OR3A2: variants seen among roughly 807,000 people sequenced by gnomAD.
The protein encoded by OR3A2 is olfactory receptor family 3 subfamily A member 2.
For synonymous variants in OR3A2, 126 were observed against 159.3 expected (o/e 0.79, Z 1.57); for missense variants, 318 against 392.8 (o/e 0.81, Z 1.61).
At chr17:3,348,423 G>A (rs901409142) in intron 2 of OR3A2, among the ~76,000 whole-genome samples, 1 of 152,006 alleles carries the variant, frequency 6.6e-6, no homozygotes, top group Non-Finnish European at 1.5e-5. Flanking sequence ...TGGAAGAAAG[G>A]GTATCAGTGA....
At chr17:3,367,911 T>A (rs1250865220) in intron 2 of OR3A2, among the ~76,000 whole-genome samples, 1 of 152,140 alleles carries the variant, frequency 6.6e-6, no homozygotes. Context: ...TATTATTTTT[T>A]GAGTTTTTAA....
rs80031188 is a variant in OR3A2 at position 3,302,719 on chromosome 17, G to T, written c.-84-23566C>A. Among the ~76,000 whole-genome samples the T allele has an allele frequency of 3.3e-3, 501 of 152,280 alleles. 3 individuals carry two copies. Among genetic ancestry groups the T allele is most frequent in the African/African-American group, 0.012 (484 of 41,558 alleles). On this transcript the variant is annotated intron_variant, in intron 3 of 4. Transcript: ENST00000573491. ...TACATGCCTCCACCTGCAGGATGTT[G>T]ACCGACTGGGAAAGGGCTAGTGGCC...
intron 2 of OR3A2, among the ~76,000 whole-genome samples, chr17:3,378,778 C>T (rs761870639): frequency 2.6e-5 from 4 of 152,172 alleles, no homozygotes; most frequent in Non-Finnish European, 4.4e-5. Flanking sequence ...CACTTCCCCC[C>T]GGAAGTTCTC....
intron 2 of OR3A2, among the ~76,000 whole-genome samples, chr17:3,337,427 C>G (rs1159243739): frequency 6.6e-6 from 1 of 152,082 alleles, no homozygotes; most frequent in Non-Finnish European, 1.5e-5. Flanking sequence ...CTCCCCCATC[C>G]CCCAACCCCA....
At chr17:3,385,987 G>A (rs1350964237) in intron 1 of OR3A2, 138 bp downstream of exon 1, 3 of 354,398 alleles carry the variant, frequency 8.5e-6, no homozygotes, top group South Asian at 1.7e-4. Flanking sequence ...CCTGGTGGAC[G>A]GAACAGACGC....
chr17:3,298,859 G>C (rs1384504938), intron 3 of OR3A2, among the ~76,000 whole-genome samples: 3 of 152,188 alleles, frequency 2.0e-5, no homozygotes, highest in Non-Finnish European at 4.4e-5. Context: ...AGATCATCCA[G>C]TCATCTATCC....
At chr17:3,291,488 G>A (rs2048866106) in intron 3 of OR3A2, 1 of 619,026 alleles carries the variant, frequency 1.6e-6, no homozygotes, top group East Asian at 2.8e-5. Flanking sequence ...GCTGCTTTCA[G>A]AAATGAAAAC....
intron 3 of OR3A2, among the ~76,000 whole-genome samples, chr17:3,314,529 G>A (rs2049066485): frequency 6.6e-6 from 1 of 152,144 alleles, no homozygotes; most frequent in Non-Finnish European, 1.5e-5. Flanking sequence ...AATCCTGGAG[G>A]AAAACCCGTA....
At chr17:3,362,007 G>T (rs1449464845) in intron 2 of OR3A2, among the ~76,000 whole-genome samples, 3 of 151,786 alleles carry the variant, frequency 2.0e-5, no homozygotes, top group South Asian at 4.1e-4. Flanking sequence ...GCTCTTCCTT[G>T]TACCTCTGGT....
intron 2 of OR3A2, among the ~76,000 whole-genome samples, chr17:3,358,929 T>A (rs1013201830): frequency 1.3e-5 from 2 of 151,746 alleles, no homozygotes; most frequent in Non-Finnish European, 2.9e-5. Context: ...TCCTTGTAGG[T>A]CTTTAAAACT....
chr17:3,362,996 G>T (rs1376454894), intron 2 of OR3A2, among the ~76,000 whole-genome samples: 1 of 152,022 alleles, frequency 6.6e-6, no homozygotes, highest in African/African-American at 2.4e-5. Context: ...TCCCAAGGCT[G>T]CACAGAGCAG....
Position 3,380,509 on chromosome 17 carries a change from T to G in OR3A2, c.-179+3295A>C, listed in dbSNP as rs1460145590. Among the ~76,000 whole-genome samples the G allele has an allele frequency of 3.9e-5, 6 of 152,304 alleles. No homozygotes were observed. In the East Asian group the frequency reaches 1.2e-3, roughly 29 times the overall value. On this transcript the variant is annotated intron_variant, in intron 2 of 4. Transcript: ENST00000573491. The stretch of plus-strand genomic sequence containing the variant: ...AGGATAGAATGGTGAGTTCTTTGTC[T>G]TTGTCTTACTCATCTCCGAATGCCT...
intron 2 of OR3A2, among the ~76,000 whole-genome samples, chr17:3,351,218 A>G (rs1261819986): frequency 7.6e-6 from 1 of 131,226 alleles, no homozygotes; most frequent in Non-Finnish European, 1.6e-5. Context: ...AGGGTATTCA[A>G]TTAGGAAAAG....
rs746166724 is a variant in OR3A2, at chr17:3,311,041, G to A, written c.-85+24992C>T. ...GGCAGAAAGAAAGCCTTCTCCACGT[G>A]TAGTTCCCACCTCACTGTGGTGGGC... is the stretch of plus-strand genomic sequence containing the variant. On this transcript the variant is annotated intron_variant, in intron 3 of 4. Coordinates refer to the OR3A2 transcript ENST00000573491. This position sits in a 1 kb window ranked among gnomAD's most constrained non-coding sequence, Gnocchi z 4.6. 1.8e-5 allele frequency: 10 copies of A among 546,248 alleles called. No homozygotes were observed. Among genetic ancestry groups the A allele is most frequent in the South Asian group, 8.3e-5 (6 of 72,588 alleles). 33.8% of individuals were successfully genotyped at this position (546,248 alleles called of 1,614,324 possible).
rs1388676801 is a variant in OR3A2, at chr17:3,371,866, G to A, written c.-179+11938C>T. On this transcript the variant is annotated intron_variant, in intron 2 of 4. Coordinates refer to the OR3A2 transcript ENST00000573491. ...TCCCGCCCGGACGGGGCGGCTGGCC[G>A]GGAGGGGAGCTGACCCCCCCACCTC... is the stretch of plus-strand genomic sequence containing the variant. Among the ~76,000 whole-genome samples the A allele has an allele frequency of 4.2e-5, 6 of 142,700 alleles. 1 individual carries two copies. The highest frequency in any genetic ancestry group is 1.4e-4 in the Admixed American group (2 of 14,714). The allele number at this position is 142,700 out of a possible 152,430, so 93.6% of individuals were successfully genotyped here.
At chr17:3,379,866 G>T (rs1384581775) in intron 2 of OR3A2, among the ~76,000 whole-genome samples, 9 of 152,102 alleles carry the variant, frequency 5.9e-5, no homozygotes, top group Admixed American at 5.9e-4. Context: ...ACACTGAGAG[G>T]CATCTACCTC....
intron 3 of OR3A2, among the ~76,000 whole-genome samples, chr17:3,301,634 C>T (rs975099090): frequency 6.6e-6 from 1 of 152,082 alleles, no homozygotes; most frequent in African/African-American, 2.4e-5. Context: ...TTCTCCCATT[C>T]TGTAGGTTGC....
At chr17:3,333,974 C>T (rs2049259205) in intron 3 of OR3A2, among the ~76,000 whole-genome samples, 1 of 152,140 alleles carries the variant, frequency 6.6e-6, no homozygotes. Flanking sequence ...CAAAAGAAGA[C>T]ATTCATGCCG....
intron 2 of OR3A2, among the ~76,000 whole-genome samples, chr17:3,340,276 G>T (rs1465868838): frequency 6.6e-6 from 1 of 151,992 alleles, no homozygotes; most frequent in Non-Finnish European, 1.5e-5. Context: ...CTTCAGTTCT[G>T]CTCTGATTTT....
Sources: allele counts gnomAD v4.1 joint callset (sites outside exome capture counted in the v4.1 genomes callset), GRCh38; gene constraint gnomAD v4.1.1; non-coding constraint Gnocchi (gnomAD v3.1); transcripts MANE v1.5; gene names NCBI Gene and HGNC (gene_info 2026-07-23, HGNC 2026-07-21).